The following RHBDD1 variants were observed in gnomAD, a reference collection of about 807,000 sequenced individuals.
RHBDD1 encodes the protein rhomboid-related protein 4.
RHBDD1 carries 38 observed loss-of-function variants against 36.3 expected under a neutral mutation model. That is an observed-to-expected ratio of 1.05 (90% CI 0.81 to 1.37). The LOEUF is 1.37. Among genes scored for constraint, RHBDD1 ranks in the 40% most tolerant of loss-of-function variants. The probability of loss-of-function intolerance (pLI) is 0.00; values close to 1 mark genes in which losing one functional copy is unlikely to be tolerated. For missense variants in RHBDD1, 393 were observed against 377.6 expected, an observed-to-expected ratio of 1.04 and a Z score of -0.34; for synonymous variants, 151 against 136.5, an observed-to-expected ratio of 1.11 and a Z score of -0.74.
At chr2:226,964,179 C>T (rs532885358) in intron 8 of RHBDD1, among the ~76,000 whole-genome samples, 6 of 152,246 alleles carry the variant, frequency 3.9e-5, no homozygotes, top group African/African-American at 1.4e-4. Flanking sequence ...CCATCCTTCC[C>T]CGTTCCATTT....
At chr2:226,871,170 C>G (rs1388414970) in intron 5 of RHBDD1, among the ~76,000 whole-genome samples, 1 of 152,022 alleles carries the variant, frequency 6.6e-6, no homozygotes, top group Non-Finnish European at 1.5e-5. Context: ...TACAGATTTT[C>G]AATTATTTTT....
intron 8 of RHBDD1, among the ~76,000 whole-genome samples, chr2:226,987,638 C>A (rs1957287308): frequency 6.6e-6 from 1 of 152,176 alleles, no homozygotes; most frequent in East Asian, 1.9e-4. Context: ...GAGGTCCAGG[C>A]CCCCCTCTGG....
chr2:226,995,578 T>A lies in RHBDD1; in HGVS notation c.*56T>A. 1 of 1,174,288 alleles carries A rather than the reference T, an allele frequency of 8.5e-7. No individual in the cohort carries two copies. Among genetic ancestry groups the A allele is most frequent in the Non-Finnish European group, 1.3e-6 (1 of 793,436 alleles). 72.7% of individuals were successfully genotyped at this position (1,174,288 alleles called of 1,614,324 possible). A position where few individuals can be genotyped will look rare whatever the true frequency, so the allele number is the denominator to read the frequency against. On this transcript the variant is annotated 3_prime_UTR_variant, in exon 9 of 9. Coordinates refer to ENST00000392062, the MANE Select transcript of RHBDD1 (RefSeq NM_001167608.3). Reference sequence around the variant, plus strand: ...GTGTAATTATTGCCCATTTGGCTCATTCCCCAAGCCCCTAATTCATTTTAA... The same window carrying A: ...GTGTAATTATTGCCCATTTGGCTCAATCCCCAAGCCCCTAATTCATTTTAA...
intron 8 of RHBDD1, chr2:226,988,627 T>A: frequency 1.5e-6 from 2 of 1,344,254 alleles, no homozygotes; most frequent in Non-Finnish European, 1.9e-6. Context: ...AGCAGACACA[T>A]TGGCCCTGGA....
chr2:226,899,724 C>G (rs1947435465), intron 5 of RHBDD1, among the ~76,000 whole-genome samples: 1 of 152,114 alleles, frequency 6.6e-6, no homozygotes, highest in Non-Finnish European at 1.5e-5. Flanking sequence ...TACCTGTCAT[C>G]AAAATAGGAT....
rs543860094 is a variant in RHBDD1, at chr2:226,899,003, G to A, written c.567-7790G>A. On this transcript the variant is annotated intron_variant, in intron 5 of 8. Coordinates refer to ENST00000392062, the MANE Select transcript of RHBDD1 (RefSeq NM_001167608.3). Reference sequence around the variant, plus strand: ...TAGAGTATTACATTTTCTGCTTTCTGAGCTATGCTTGAGAGGACAACCTCT... The same window carrying A: ...TAGAGTATTACATTTTCTGCTTTCTAAGCTATGCTTGAGAGGACAACCTCT... Among the ~76,000 whole-genome samples, 6 of 152,280 alleles carry A rather than the reference G, an allele frequency of 3.9e-5. No individual in the cohort carries two copies. In the South Asian group the frequency reaches 1.2e-3, roughly 32 times the overall value.
the RHBDD1 span, among the ~76,000 whole-genome samples, chr2:226,805,932 A>G: frequency 5.3e-5 from 8 of 152,274 alleles, no homozygotes; most frequent in East Asian, 1.5e-3. Context: ...TTTCTCAGTA[A>G]TGATGGATAT....
intron 3 of RHBDD1, among the ~76,000 whole-genome samples, chr2:226,852,775 T>G (rs1942943017): frequency 6.6e-6 from 1 of 151,708 alleles, no homozygotes; most frequent in Non-Finnish European, 1.5e-5. Context: ...TAATTAATCT[T>G]ATTTTATTTT....
the RHBDD1 span, among the ~76,000 whole-genome samples, chr2:226,809,659 T>C: frequency 6.6e-6 from 1 of 152,168 alleles, no homozygotes; most frequent in Admixed American, 6.5e-5. Flanking sequence ...CTCATATTAA[T>C]AGGAAAAATT....
the RHBDD1 span, among the ~76,000 whole-genome samples, chr2:226,806,984 C>T: frequency 6.6e-6 from 1 of 152,122 alleles, no homozygotes; most frequent in Non-Finnish European, 1.5e-5. Flanking sequence ...TGGTACTAAC[C>T]AAGAATGATT....
chr2:226,990,622 A>G (rs1395437404), intron 8 of RHBDD1, among the ~76,000 whole-genome samples: 3 of 152,176 alleles, frequency 2.0e-5, no homozygotes, highest in African/African-American at 7.2e-5. Context: ...TATCTGGACA[A>G]AATTGCTTCT....
chr2:226,882,103 C>G (rs954507767), intron 5 of RHBDD1, among the ~76,000 whole-genome samples: 1 of 152,084 alleles, frequency 6.6e-6, no homozygotes, highest in Non-Finnish European at 1.5e-5. Flanking sequence ...TACATCATAG[C>G]TAAGAACAGA....
intron 7 of RHBDD1, among the ~76,000 whole-genome samples, chr2:226,911,049 C>T (rs1221237197): frequency 2.0e-5 from 3 of 152,024 alleles, no homozygotes; most frequent in African/African-American, 4.8e-5. Context: ...TGAAGAACTG[C>T]CAGATTATTT....
intron 3 of RHBDD1, among the ~76,000 whole-genome samples, chr2:226,859,027 T>C (rs1574835211): frequency 6.6e-6 from 1 of 152,248 alleles, no homozygotes; most frequent in African/African-American, 2.4e-5. Flanking sequence ...TGGAATAATA[T>C]GTATAGTGCT....
intron 8 of RHBDD1, among the ~76,000 whole-genome samples, chr2:226,916,253 G>A (rs1948902610): frequency 6.6e-6 from 1 of 152,178 alleles, no homozygotes; most frequent in African/African-American, 2.4e-5. Context: ...CAATGGTTAT[G>A]GATAGAGGGA....
chr2:226,916,023 G>T (rs1417193958), intron 8 of RHBDD1, among the ~76,000 whole-genome samples: 2 of 152,168 alleles, frequency 1.3e-5, no homozygotes, highest in African/African-American at 2.4e-5. Flanking sequence ...GTGGTGTTAC[G>T]CCATGCCTCA....
the RHBDD1 span, among the ~76,000 whole-genome samples, chr2:226,818,173 T>TG: frequency 7.1e-6 from 1 of 141,462 alleles, no homozygotes; most frequent in East Asian, 2.0e-4. Flanking sequence ...TTTTTTTTTT[T>TG]TTTTGAGATG....
At chr2:226,820,291 A>T in the RHBDD1 span, among the ~76,000 whole-genome samples, 2 of 152,188 alleles carry the variant, frequency 1.3e-5, no homozygotes, top group African/African-American at 4.8e-5. Context: ...CACAGGACCT[A>T]AGAAAAGTGC....
At chr2:226,968,604 T>C (rs1356885296) in intron 8 of RHBDD1, among the ~76,000 whole-genome samples, 7 of 152,218 alleles carry the variant, frequency 4.6e-5, no homozygotes, top group Admixed American at 4.6e-4. Flanking sequence ...CTTAGCCCAC[T>C]TGACACACAA....
Sources: gnomAD v4.1 joint callset for allele counts (sites outside exome capture counted in the v4.1 genomes callset) on GRCh38, gnomAD v4.1.1 for gene constraint, MANE v1.5 for transcripts, NCBI Gene and HGNC (gene_info 2026-07-23, HGNC 2026-07-21) for gene names.